SPINK9: variants seen among roughly 807,000 people sequenced by gnomAD.
SPINK9 encodes the protein serine protease inhibitor Kazal-type 9.
In SPINK9, 3 loss-of-function variants were observed where a neutral mutation model predicts 10.8. That is an observed-to-expected ratio of 0.28 (90% CI 0.13 to 0.72). SPINK9 has a LOEUF of 0.72. SPINK9 is among the 30% of genes least tolerant of loss of function. The pLI, the probability that SPINK9 is intolerant of heterozygous loss-of-function variation, is 0.74. For synonymous variants in SPINK9, 30 were observed against 31.2 expected (o/e 0.96, Z 0.12); for missense variants, 101 against 103.2 (o/e 0.98, Z 0.09).
At chr5:148,323,769 T>C in exon 2 of SPINK9, 1 of 700,824 alleles carries the variant, frequency 1.4e-6, no homozygotes, top group Non-Finnish European at 2.6e-6. Context: ...TATGAATCCT[T>C]CTCATCATTG....
At chr5:148,326,617 A>C (rs1757063765) in intron 2 of SPINK9, among the ~76,000 whole-genome samples, 1 of 151,874 alleles carries the variant, frequency 6.6e-6, no homozygotes, top group South Asian at 2.1e-4. Context: ...GCACCCATTA[A>C]CTCGTCATTT....
intron 2 of SPINK9, among the ~76,000 whole-genome samples, chr5:148,328,342 A>G (rs1426190936): frequency 1.3e-5 from 2 of 152,250 alleles, no homozygotes; most frequent in East Asian, 3.9e-4. Flanking sequence ...TGATTTTTGT[A>G]TATTGATTTT....
chr5:148,324,881 A>G (rs1757039739), intron 2 of SPINK9, among the ~76,000 whole-genome samples: 1 of 152,068 alleles, frequency 6.6e-6, no homozygotes, highest in African/African-American at 2.4e-5. Context: ...ATCTAATGCC[A>G]GGACATTTCA....
chr5:148,328,269 T>C (rs1757096255), intron 2 of SPINK9, among the ~76,000 whole-genome samples: 1 of 152,214 alleles, frequency 6.6e-6, no homozygotes, highest in South Asian at 2.1e-4. Context: ...TTTGAAGCAA[T>C]TGTGAATGGG....
At chr5:148,326,404 G>T (rs1757059638) in intron 2 of SPINK9, among the ~76,000 whole-genome samples, 1 of 152,144 alleles carries the variant, frequency 6.6e-6, no homozygotes, top group Non-Finnish European at 1.5e-5. Flanking sequence ...TACATCCAAA[G>T]AAACTGAAAC....
chr5:148,323,702 T>C (rs1052310708), exon 2 of SPINK9: 6 of 642,726 alleles, frequency 9.3e-6, no homozygotes, highest in Middle Eastern at 2.4e-4. Flanking sequence ...GAAGAAGTGA[T>C]TTCATTGAGA....
intron 2 of SPINK9, among the ~76,000 whole-genome samples, chr5:148,327,661 C>T (rs1228774749): frequency 2.0e-5 from 3 of 149,334 alleles, no homozygotes; most frequent in Non-Finnish European, 3.0e-5. Context: ...AGTCTTTAAT[C>T]CATCTTGAAT....
At chr5:148,339,603 T>A in intron 3 of SPINK9, 64 bp from the exon 4 acceptor site, 1 of 1,432,906 alleles carries the variant, frequency 7.0e-7, no homozygotes, top group South Asian at 1.2e-5. Context: ...TTAGTGAAGT[T>A]TGGATGCTAA....
At chr5:148,321,931 C>G (rs1160341183) in intron 1 of SPINK9, among the ~76,000 whole-genome samples, 1 of 152,062 alleles carries the variant, frequency 6.6e-6, no homozygotes, top group Non-Finnish European at 1.5e-5. Context: ...TTTTGTCTAA[C>G]TTTCAAATAA....
intron 2 of SPINK9, among the ~76,000 whole-genome samples, chr5:148,326,611 C>T (rs1333270538): frequency 6.6e-6 from 1 of 152,038 alleles, no homozygotes; most frequent in African/African-American, 2.4e-5. Flanking sequence ...TGTGCTGCAC[C>T]CATTAACTCG....
chr5:148,336,739 C>T (rs969399691), intron 2 of SPINK9, among the ~76,000 whole-genome samples: 2 of 152,124 alleles, frequency 1.3e-5, no homozygotes, highest in African/African-American at 2.4e-5. Flanking sequence ...GACTTGAAGC[C>T]ATAGTATTTG....
At chr5:148,334,575 G>T (rs1401776685), upstream of SPINK9, among the ~76,000 whole-genome samples, 1 of 152,090 alleles carries the variant, frequency 6.6e-6, no homozygotes, top group East Asian at 1.9e-4. Flanking sequence ...GCCAGGTGTG[G>T]TGGCATGCTC....
At chr5:148,331,339 G>C (rs934847638), upstream of SPINK9, among the ~76,000 whole-genome samples, 3 of 152,228 alleles carry the variant, frequency 2.0e-5, no homozygotes, top group African/African-American at 7.2e-5. Flanking sequence ...GAAACTAGAA[G>C]ATATTATGCT....
At chr5:148,335,718 C>A in intron 1 of SPINK9, 50 bp downstream of exon 1, 2 of 1,573,096 alleles carry the variant, frequency 1.3e-6, no homozygotes, top group East Asian at 2.2e-5. Context: ...ATAGCTCATG[C>A]AGTCTTCTGC....
chr5:148,330,810 C>CT (rs529638558), upstream of SPINK9, among the ~76,000 whole-genome samples: 64 of 152,262 alleles, frequency 4.2e-4, no homozygotes, highest in African/African-American at 1.4e-3. Context: ...AAATTCTTTT[C>CT]TTTAAGAATG....
rs754053893 is a variant in SPINK9, at chr5:148,339,758, A to G, written c.*46A>G. On this transcript the variant is annotated 3_prime_UTR_variant, in exon 4 of 4. Coordinates refer to ENST00000377906, the MANE Select transcript of SPINK9 (RefSeq NM_001040433.2). ...ATATCTTTTAATGCATCTATTCACA[A>G]GAGTCACATTTCTGTTCCCATATTA... The G allele has an allele frequency of 1.3e-5, 19 of 1,495,908 alleles. No homozygotes were observed. In the Admixed American group the frequency reaches 3.0e-4, roughly 24 times the overall value. The allele number at this position is 1,495,908 out of a possible 1,614,324, so 92.7% of individuals were successfully genotyped here.
chr5:148,330,882 C>G (rs546569124), upstream of SPINK9, among the ~76,000 whole-genome samples: 1 of 152,174 alleles, frequency 6.6e-6, no homozygotes, highest in Non-Finnish European at 1.5e-5. Context: ...TAGGACCCTC[C>G]GAGCCATGTG....
chr5:148,338,607 T>C lies in SPINK9; in HGVS notation c.215+2T>C. The C allele has an allele frequency of 6.4e-7, 1 of 1,567,326 alleles. No individual in the cohort carries two copies. The highest frequency in any genetic ancestry group is 8.7e-7 in the Non-Finnish European group (1 of 1,147,102). ...TTGCTTCTTCTGTTCTAAAGTTAAG[T>C]AAGTATTAAAATGTTTTCTTTTTCA... On this transcript the variant is annotated splice_donor_variant, in intron 3 of 3. Coordinates refer to ENST00000377906, the MANE Select transcript of SPINK9 (RefSeq NM_001040433.2). LOFTEE classifies it high-confidence loss of function.
intron 2 of SPINK9, among the ~76,000 whole-genome samples, chr5:148,337,840 A>G (rs1229855509): frequency 6.6e-6 from 1 of 152,190 alleles, no homozygotes; most frequent in Admixed American, 6.6e-5. Flanking sequence ...GCTCTTCTAT[A>G]TGCTCATAGA....
Sources: allele counts gnomAD v4.1 joint callset (sites outside exome capture counted in the v4.1 genomes callset), GRCh38; gene constraint gnomAD v4.1.1; transcripts MANE v1.5; gene names NCBI Gene and HGNC (gene_info 2026-07-23, HGNC 2026-07-21).